TNRC18: variants seen among roughly 807,000 people sequenced by gnomAD.
The protein encoded by TNRC18 is trinucleotide repeat-containing gene 18 protein.
TNRC18 carries 69 observed loss-of-function variants against 226.7 expected under a neutral mutation model. The observed-to-expected ratio is 0.30, with a 90% CI of 0.25 to 0.37. The LOEUF (loss-of-function observed/expected upper bound fraction) is 0.37. Among genes scored for constraint, TNRC18 ranks in the 10% least tolerant of loss-of-function variants. The pLI is 1.00. For synonymous variants in TNRC18, 2,449 were observed against 1,927.6 expected (o/e 1.27, Z -7.09); for missense variants, 4,754 against 4,256.6 (o/e 1.12, Z -3.25).
In TNRC18 at chr7:5,312,742, G is replaced by A; in HGVS notation, c.8149C>T (p.Pro2717Ser). Reference protein sequence around the residue: ...AGKARPSAHSPGKKTPAPQPQ... With the variant: ...AGKARPSAHSSGKKTPAPQPQ... The stretch of plus-strand genomic sequence containing the variant: ...TGGGGCGCGGGCGTCTTCTTGCCTG[G>A]GGAGTGGGCCGAGGGCCGCGCCTTG... Residue 2717 changes from proline (P) to serine (S), a missense_variant, in exon 27 of 30, where the codon CCA becomes TCA. By Grantham distance (74) the Pro-to-Ser change is moderately conservative. Transcript: ENST00000430969. This position sits in a 1 kb window ranked among gnomAD's most constrained non-coding sequence, Gnocchi z 6.3. The A allele has an allele frequency of 6.5e-7, 1 of 1,543,984 alleles. No homozygotes were observed. The highest frequency in any genetic ancestry group is 2.0e-5 in the Admixed American group (1 of 48,938).
At position 5,361,946 on chromosome 7, in the gene TNRC18, T is replaced by C; in HGVS notation, c.4483A>G (p.Lys1495Glu). 6.2e-7 allele frequency: 1 copy of C among 1,610,026 alleles called. No homozygotes were observed. The highest frequency in any genetic ancestry group is 8.5e-7 in the Non-Finnish European group (1 of 1,178,680). ...MRLAEVQRQY[K>E]EKQRELVKLQ... ...TTCACCAGCTCACGCTGCTTCTCCTTGTACTGGCGCTGCACCTCGGCCAGC... is the reference window on the plus strand; with the variant it reads ...TTCACCAGCTCACGCTGCTTCTCCTCGTACTGGCGCTGCACCTCGGCCAGC... Residue 1495 changes from lysine (K) to glutamate (E), a missense_variant, in exon 13 of 30, where the codon AAG becomes GAG. By Grantham distance (56) the Lys-to-Glu change is moderately conservative. Coordinates refer to ENST00000430969, the MANE Select transcript of TNRC18 (RefSeq NM_001080495.3).
chr7:5,329,989 T>C (rs1045519376), intron 19 of TNRC18: 9 of 470,996 alleles, frequency 1.9e-5, no homozygotes, highest in African/African-American at 1.6e-4. Flanking sequence ...AACAGATTCA[T>C]TGTTGACAAA....
chr7:5,308,980 G>A (rs1480198420), intron 28 of TNRC18, 31 bp from the exon 29 acceptor site: 24 of 1,581,490 alleles, frequency 1.5e-5, no homozygotes, highest in East Asian at 2.3e-5. Context: ...GGGCTTGGGT[G>A]AGCCCGGGGG....
Position 5,387,914 on chromosome 7 carries a change from A to G in TNRC18, c.1910T>C (p.Leu637Pro), listed in dbSNP as rs1213861313. The G allele has an allele frequency of 3.8e-6, 6 of 1,593,584 alleles. No individual in the cohort carries two copies. The Admixed American group carries it at 7.0e-5, about 19-fold the overall frequency. The stretch of plus-strand genomic sequence containing the variant: ...CGCTGCAGGGCCTCCGGAGTGTGGG[A>G]GACGGGCCTGGGCTCGGGAGGCACC... ...SAGASRAQAR[L>P]PHSGGPAAGG... is the part of the protein sequence containing the mutation. The change falls in exon 5 of 30, where the codon CTC becomes CCC. Residue 637 changes from leucine to proline, a missense_variant. By Grantham distance (98) the Leu-to-Pro change is moderately conservative (BLOSUM62 -3). Transcript: ENST00000430969.
chr7:5,332,532 C>T, intron 19 of TNRC18, 90 bp downstream of exon 19: 1 of 1,392,130 alleles, frequency 7.2e-7, no homozygotes, highest in Non-Finnish European at 9.5e-7. Context: ...AACAGTGAAG[C>T]CGCTTCCCTA....
In TNRC18 at chr7:5,307,265, TTATA is replaced by T. The variant is rs1377824979; in HGVS notation, c.*837_*840del. 1 of 149,000 alleles carries T rather than the reference TTATA, an allele frequency of 6.7e-6. No homozygotes were observed. The highest frequency in any genetic ancestry group is 2.4e-5 in the African/African-American group (1 of 40,966). 9.2% of individuals were successfully genotyped at this position (149,000 alleles called of 1,614,324 possible). ...AGTTTTAAAAAGTTTATATATATAT[TTATA>T]TATATTTATCTTTATATATATAATT... On this transcript the variant is annotated 3_prime_UTR_variant, in exon 30 of 30. Transcript: ENST00000430969.
chr7:5,361,286 C>T (rs949571201), intron 14 of TNRC18, among the ~76,000 whole-genome samples: 2 of 152,092 alleles, frequency 1.3e-5, no homozygotes, highest in South Asian at 2.1e-4. Context: ...AGGGAGGAGG[C>T]GCGTGGAAAA....
Position 5,314,975 on chromosome 7 carries a change from C to T in TNRC18, c.7027+9G>A. ...CCACCGCCCTGCCCTGGGGACCAGGCCAACCTACCACCCTTGGCCTTGGCG... is the reference window on the plus strand; with the variant it reads ...CCACCGCCCTGCCCTGGGGACCAGGTCAACCTACCACCCTTGGCCTTGGCG... On this transcript the variant is annotated intron_variant, in intron 26 of 29. Transcript: ENST00000430969. The T allele has an allele frequency of 6.2e-7, 1 of 1,603,104 alleles. No individual in the cohort carries two copies. Among genetic ancestry groups the T allele is most frequent in the African/African-American group, 1.3e-5 (1 of 74,762 alleles).
intron 16 of TNRC18, among the ~76,000 whole-genome samples, chr7:5,353,003 C>A (rs955301881): frequency 6.6e-6 from 1 of 152,220 alleles, no homozygotes; most frequent in African/African-American, 2.4e-5. Flanking sequence ...GCATCCGTGG[C>A]GGGCATTCCT....
intron 17 of TNRC18, among the ~76,000 whole-genome samples, chr7:5,347,312 C>A (rs572549564): frequency 6.6e-6 from 1 of 150,544 alleles, no homozygotes; most frequent in Non-Finnish European, 1.5e-5. Flanking sequence ...CTCAGCCTCT[C>A]GAGTAGTGGG....
At chr7:5,331,958 T>C (rs1463696152) in intron 19 of TNRC18, among the ~76,000 whole-genome samples, 2 of 152,142 alleles carry the variant, frequency 1.3e-5, no homozygotes, top group African/African-American at 4.8e-5. Context: ...CTAGACCCAT[T>C]GGCAGATGTG....
chr7:5,316,038 G>A lies in TNRC18; in HGVS notation c.6780C>T (p.Ile2260=). 9 of 1,609,178 alleles carry A rather than the reference G, an allele frequency of 5.6e-6. No individual in the cohort carries two copies. Among genetic ancestry groups the A allele is most frequent in the South Asian group, 1.1e-5 (1 of 90,302 alleles). ...TGTCTCCGTCGTCAAACTCCACGGT[G>A]ATCAAGTCCCCATCGTCCTCCAGGT... ...LLDLEDDGDL[I]TVEFDDGDTG... The change falls in exon 25 of 30, where the codon ATC becomes ATT. Residue 2260 remains isoleucine (I), a synonymous_variant. Transcript: ENST00000430969.
chr7:5,338,844 C>T (rs1319679467), intron 18 of TNRC18, among the ~76,000 whole-genome samples: 2 of 145,906 alleles, frequency 1.4e-5, no homozygotes, highest in African/African-American at 2.6e-5. Flanking sequence ...CACTTGAACC[C>T]GGGAGGTGGA....
At position 5,378,031 on chromosome 7, in the gene TNRC18, G is replaced by A. The variant is rs1583984478; in HGVS notation, c.2153-7C>T. The stretch of plus-strand genomic sequence containing the variant: ...TCATCTGCTCGGCCGTGCCCTGCAG[G>A]GGGCCAGGTGGAAGTGAGCCCCCAG... On this transcript the variant is annotated splice_polypyrimidine_tract_variant and splice_region_variant and intron_variant, in intron 5 of 29. Coordinates refer to ENST00000430969, the MANE Select transcript of TNRC18 (RefSeq NM_001080495.3). 1.2e-6 allele frequency: 2 copies of A among 1,606,158 alleles called. No homozygotes were observed. The highest frequency in any genetic ancestry group is 1.7e-6 in the Non-Finnish European group (2 of 1,178,252).
At chr7:5,415,688 G>A (rs1782139741) in intron 2 of TNRC18, among the ~76,000 whole-genome samples, 1 of 151,548 alleles carries the variant, frequency 6.6e-6, no homozygotes, top group Non-Finnish European at 1.5e-5. Context: ...GCCTGCATAA[G>A]ACTCCACGGT....
In TNRC18 at chr7:5,352,080, C is replaced by T; in HGVS notation, c.5209G>A (p.Glu1737Lys). 1 of 1,608,078 alleles carries T rather than the reference C, an allele frequency of 6.2e-7. No homozygotes were observed. The highest frequency in any genetic ancestry group is 8.5e-7 in the Non-Finnish European group (1 of 1,176,328). The change falls in exon 17 of 30, where the codon GAA (glutamate) becomes AAA (lysine). Residue 1737 changes from glutamate to lysine, a missense_variant. By Grantham distance (56) the Glu-to-Lys change is moderately conservative. Coordinates refer to ENST00000430969, the MANE Select transcript of TNRC18 (RefSeq NM_001080495.3). ...SSYSYNTDSE[E>K]DEEFLKDEWP... ...TCGTCCTTCAGGAATTCTTCGTCTT[C>T]CTCTGAGTCCGTATCTGCAGTCAAA...
chr7:5,357,060 G>C lies in TNRC18; in HGVS notation c.5050C>G (p.Leu1684Val), dbSNP rs1189346334. The C allele has an allele frequency of 3.9e-6, 6 of 1,552,068 alleles. No homozygotes were observed. The highest frequency in any genetic ancestry group is 1.2e-5 in the South Asian group (1 of 84,070). The change falls in exon 16 of 30, where the codon CTC (leucine) becomes GTC (valine). Residue 1684 changes from leucine (L) to valine (V), a missense_variant. By Grantham distance (32) the Leu-to-Val change is conservative. Coordinates refer to ENST00000430969, the MANE Select transcript of TNRC18 (RefSeq NM_001080495.3). ...CTGGAGGATTTCAGAGACAGGCCGA[G>C]GCCCTTGGCCAGCGCCTTCCTGTTC... ...GKNRKALAKG[L>V]GLSLKSSREG...
At position 5,376,875 on chromosome 7, in the gene TNRC18, G is replaced by A. The variant is rs1404246871; in HGVS notation, c.2580C>T (p.Val860=). ...VRDPQSGQLV[V]IPSDHLPHFA... is the part of the protein sequence containing the mutation. ...AGTGAGGAAGGTGATCACTGGGAAT[G>A]ACCACCAGCTGGCCCGATTGGGGGT... Residue 860 remains valine (V), a synonymous_variant, in exon 8 of 30, where the codon GTC becomes GTT. Coordinates refer to ENST00000430969, the MANE Select transcript of TNRC18 (RefSeq NM_001080495.3). 2 of 1,611,708 alleles carry A rather than the reference G, an allele frequency of 1.2e-6. No individual in the cohort carries two copies. The highest frequency in any genetic ancestry group is 1.7e-6 in the Non-Finnish European group (2 of 1,178,942).
intron 2 of TNRC18, among the ~76,000 whole-genome samples, chr7:5,407,591 T>C (rs1167099731): frequency 6.6e-6 from 1 of 152,202 alleles, no homozygotes; most frequent in Non-Finnish European, 1.5e-5. Context: ...TCCTCAAATA[T>C]GGGCAGGGAC....
Sources: gnomAD v4.1 joint callset for allele counts (sites outside exome capture counted in the v4.1 genomes callset) on GRCh38, gnomAD v4.1.1 for gene constraint, Gnocchi (gnomAD v3.1) non-coding constraint, MANE v1.5 for transcripts, NCBI Gene and HGNC (gene_info 2026-07-23, HGNC 2026-07-21) for gene names.